The following HS6ST2 variants were observed in gnomAD, a reference collection of about 807,000 sequenced individuals.
The protein encoded by HS6ST2 is heparan-sulfate 6-O-sulfotransferase 2.
A neutral mutation model predicts 33.0 loss-of-function variants in HS6ST2; 17 were observed. The ratio of observed to expected loss-of-function variants is 0.52; its 90% CI spans 0.35 to 0.77. The LOEUF is 0.77. Ranked by LOEUF, HS6ST2 falls within the 30% of genes least tolerant of loss-of-function variation. The pLI is 0.01. For synonymous variants in HS6ST2, 248 were observed against 237.1 expected (o/e 1.05, Z -0.42); for missense variants, 519 against 551.7 (o/e 0.94, Z 0.59).
chrX:132,740,698 C>T (rs2064563711), intron 2 of HS6ST2, among the ~76,000 whole-genome samples: 2 of 110,111 alleles, frequency 1.8e-5, no homozygotes, highest in Non-Finnish European at 1.9e-5. Context: ...CATGCAGTTC[C>T]CAATATGTAC....
At chrX:132,859,741 C>A (rs1310566934) in intron 2 of HS6ST2, among the ~76,000 whole-genome samples, 2 of 57,773 alleles carry the variant, frequency 3.5e-5, no homozygotes, top group African/African-American at 7.3e-5. Context: ...AGGGAGGGAG[C>A]GAGAAAGAAA....
At chrX:132,944,753 A>G in intron 2 of HS6ST2, among the ~76,000 whole-genome samples, 1 of 110,939 alleles carries the variant, frequency 9.0e-6, no homozygotes, top group Non-Finnish European at 1.9e-5. Flanking sequence ...AGAAATGGGG[A>G]AAGGATTCCC....
intron 2 of HS6ST2, among the ~76,000 whole-genome samples, chrX:132,797,136 GT>G (rs1467741553): frequency 1.8e-5 from 2 of 111,339 alleles, no homozygotes; most frequent in Non-Finnish European, 3.8e-5. Flanking sequence ...AGGAATAAAA[GT>G]AACTCCAATT....
chrX:132,794,574 G>GATT (rs1556445928), intron 2 of HS6ST2, among the ~76,000 whole-genome samples: 1,502 of 99,033 alleles, frequency 0.015, 21 homozygotes, highest in African/African-American at 0.03. Context: ...TGATGATGAT[G>GATT]ATTATTATTA....
At position 132,654,353 on chromosome X, in the gene HS6ST2, A is replaced by T. The variant is rs756533895; in HGVS notation, c.1067+14760T>A. On this transcript the variant is annotated intron_variant, in intron 4 of 4. Transcript: ENST00000370833. ...CAACTGGTTTTTAAAAAGTACTCTC[A>T]GGTATAATTTCTCAGATTCAGAAAG... Among the ~76,000 whole-genome samples the T allele has an allele frequency of 7.2e-5, 8 of 111,283 alleles. No individual in the cohort carries two copies. In the East Asian group the frequency reaches 2.3e-3, roughly 31 times the overall value.
At chrX:132,851,906 T>C (rs931478054) in intron 2 of HS6ST2, among the ~76,000 whole-genome samples, 5 of 111,610 alleles carry the variant, frequency 4.5e-5, no homozygotes, top group African/African-American at 1.6e-4. Flanking sequence ...TTTGGGAGGC[T>C]AAGGAGAAAG....
At chrX:132,794,738 T>C (rs183112123) in intron 2 of HS6ST2, among the ~76,000 whole-genome samples, 7 of 111,463 alleles carry the variant, frequency 6.3e-5, no homozygotes, top group African/African-American at 2.3e-4. Flanking sequence ...ATTTAATCTT[T>C]GCAATGATCC....
intron 4 of HS6ST2, among the ~76,000 whole-genome samples, chrX:132,655,738 T>C (rs1465182035): frequency 1.8e-5 from 2 of 111,138 alleles, no homozygotes; most frequent in Non-Finnish European, 3.8e-5. Flanking sequence ...AAGGTTGAAT[T>C]TGTTAGTGAA....
intron 2 of HS6ST2, among the ~76,000 whole-genome samples, chrX:132,934,724 T>A (rs1270614770): frequency 1.8e-5 from 2 of 111,241 alleles, no homozygotes; most frequent in Non-Finnish European, 3.8e-5. Flanking sequence ...AAAAAAGACA[T>A]GAGATATATG....
chrX:132,634,229 G>A (rs954479412), intron 4 of HS6ST2, among the ~76,000 whole-genome samples: 2 of 112,106 alleles, frequency 1.8e-5, no homozygotes, highest in African/African-American at 6.5e-5. Context: ...AGAGCAAGAT[G>A]CAGGTGAGAG....
chrX:132,651,380 G>A (rs1329747741), intron 4 of HS6ST2, among the ~76,000 whole-genome samples: 1 of 111,693 alleles, frequency 9.0e-6, no homozygotes, highest in African/African-American at 3.3e-5. Flanking sequence ...CTTCCCCAGA[G>A]TTGATCTATT....
At chrX:132,788,558 C>T (rs2065087694) in intron 2 of HS6ST2, among the ~76,000 whole-genome samples, 1 of 112,087 alleles carries the variant, frequency 8.9e-6, no homozygotes, top group South Asian at 3.7e-4. Context: ...AAGAGTCCCA[C>T]ATCTCTCACT....
At chrX:132,794,424 T>G (rs2065152367) in intron 2 of HS6ST2, among the ~76,000 whole-genome samples, 1 of 110,949 alleles carries the variant, frequency 9.0e-6, no homozygotes, top group African/African-American at 3.3e-5. Context: ...AATAGGGTCT[T>G]ACTCTGTTGC....
intron 2 of HS6ST2, among the ~76,000 whole-genome samples, chrX:132,931,753 C>A (rs1440732747): frequency 9.0e-6 from 1 of 111,585 alleles, no homozygotes; most frequent in Non-Finnish European, 1.9e-5. Flanking sequence ...AAATGGAAAT[C>A]TTGGTGGTAA....
intron 4 of HS6ST2, among the ~76,000 whole-genome samples, chrX:132,644,423 G>A (rs1356382329): frequency 2.7e-5 from 3 of 111,101 alleles, no homozygotes; most frequent in African/African-American, 9.8e-5. Flanking sequence ...TCAAACAAAG[G>A]AGGCAACTTT....
chrX:132,945,189 G>A (rs769034904), intron 2 of HS6ST2, among the ~76,000 whole-genome samples: 3 of 112,061 alleles, frequency 2.7e-5, no homozygotes, highest in South Asian at 7.5e-4. Flanking sequence ...CAACAAGTGG[G>A]CAAAGGATAT....
intron 1 of HS6ST2, 110 bp from the exon 2 acceptor site, chrX:132,957,436 C>G (rs1337151163): frequency 3.4e-5 from 29 of 853,757 alleles, no homozygotes; most frequent in Non-Finnish European, 2.9e-5. Flanking sequence ...TCTCCCCCTC[C>G]CCTCCGCACC....
intron 4 of HS6ST2, among the ~76,000 whole-genome samples, chrX:132,659,278 C>G (rs2063753313): frequency 8.9e-6 from 1 of 112,078 alleles, no homozygotes; most frequent in Non-Finnish European, 1.9e-5. Context: ...TGAGTCCAGC[C>G]TCATTTTTCT....
At chrX:132,953,753 C>T (rs1484320062) in intron 2 of HS6ST2, among the ~76,000 whole-genome samples, 1 of 112,517 alleles carries the variant, frequency 8.9e-6, no homozygotes, top group African/African-American at 3.2e-5. Flanking sequence ...ATCCGTTCTT[C>T]TCCCAATGGG....
Sources: gnomAD v4.1 joint callset for allele counts (sites outside exome capture counted in the v4.1 genomes callset) on GRCh38, gnomAD v4.1.1 for gene constraint, MANE v1.5 for transcripts, NCBI Gene and HGNC (gene_info 2026-07-23, HGNC 2026-07-21) for gene names.